Variants in FBXL7 observed in about 807,000 individuals in gnomAD.
The protein encoded by FBXL7 is F-box and leucine rich repeat protein 7.
A neutral mutation model predicts 38.3 loss-of-function variants in FBXL7; 12 were observed. The observed-to-expected ratio is 0.31, with a 90% CI of 0.20 to 0.51. FBXL7 has a LOEUF of 0.51. FBXL7 is among the 20% of genes least tolerant of loss of function. FBXL7 has a pLI of 0.98. For synonymous variants in FBXL7, 297 were observed against 300.9 expected (o/e 0.99, Z 0.13); for missense variants, 567 against 676.4 (o/e 0.84, Z 1.79).
intron 1 of FBXL7, among the ~76,000 whole-genome samples, chr5:15,534,126 C>G (rs1233161993): frequency 1.3e-5 from 2 of 152,182 alleles, no homozygotes; most frequent in African/African-American, 4.8e-5. Context: ...TTGACACCCC[C>G]CCACCAGAGT....
intron 2 of FBXL7, among the ~76,000 whole-genome samples, chr5:15,777,324 A>G (rs1406716800): frequency 1.3e-5 from 2 of 152,092 alleles, no homozygotes; most frequent in Non-Finnish European, 2.9e-5. Flanking sequence ...GCTTTATTAT[A>G]TCAAATAATG....
intron 2 of FBXL7, among the ~76,000 whole-genome samples, chr5:15,782,228 T>C (rs183503598): frequency 3.2e-4 from 48 of 152,330 alleles, no homozygotes; most frequent in African/African-American, 1.1e-3. Flanking sequence ...AAGTCTAACA[T>C]TGATAGGCAT....
chr5:15,663,640 G>A (rs571695907), intron 2 of FBXL7, among the ~76,000 whole-genome samples: 1 of 152,292 alleles, frequency 6.6e-6, no homozygotes. Flanking sequence ...GTTTGCATAT[G>A]TTGAACCAAC....
At chr5:15,608,502 G>A (rs1580402250) in intron 1 of FBXL7, among the ~76,000 whole-genome samples, 1 of 152,148 alleles carries the variant, frequency 6.6e-6, no homozygotes, top group African/African-American at 2.4e-5. Context: ...ACTTGGCCAG[G>A]CTATAGTACC....
chr5:15,900,886 T>G (rs981158741), intron 2 of FBXL7, among the ~76,000 whole-genome samples: 1 of 152,228 alleles, frequency 6.6e-6, no homozygotes, highest in African/African-American at 2.4e-5. Flanking sequence ...GAAGAAAAGC[T>G]AAACAGATAA....
At chr5:15,730,795 T>C (rs907523597) in intron 2 of FBXL7, among the ~76,000 whole-genome samples, 1 of 152,190 alleles carries the variant, frequency 6.6e-6, no homozygotes, top group African/African-American at 2.4e-5. Context: ...ATAACAAAAA[T>C]TAAAGGTGAA....
intron 2 of FBXL7, among the ~76,000 whole-genome samples, chr5:15,697,659 CTT>C (rs1743382388): frequency 6.6e-6 from 1 of 151,988 alleles, no homozygotes; most frequent in Non-Finnish European, 1.5e-5. Context: ...AGTTGACAGA[CTT>C]TCTGCACACA....
chr5:15,846,995 G>A (rs2126789455), intron 2 of FBXL7, among the ~76,000 whole-genome samples: 1 of 152,188 alleles, frequency 6.6e-6, no homozygotes, highest in East Asian at 1.9e-4. Context: ...GAATATTGAT[G>A]AGGTATGAGA....
intron 2 of FBXL7, among the ~76,000 whole-genome samples, chr5:15,652,944 G>A (rs970125870): frequency 3.0e-4 from 45 of 152,194 alleles, no homozygotes; most frequent in African/African-American, 1.1e-3. Flanking sequence ...ATCCTGATGT[G>A]ATTATTACAC....
intron 1 of FBXL7, among the ~76,000 whole-genome samples, chr5:15,526,305 T>G (rs747127583): frequency 1.3e-5 from 2 of 152,018 alleles, no homozygotes; most frequent in Non-Finnish European, 2.9e-5. Context: ...ATGGAGGATA[T>G]GAGAAGAGTC....
chr5:15,645,892 G>A (rs1358897336), intron 2 of FBXL7, among the ~76,000 whole-genome samples: 2 of 152,222 alleles, frequency 1.3e-5, no homozygotes, highest in African/African-American at 4.8e-5. Flanking sequence ...TCCTGTCGAA[G>A]ATTGAATTTT....
At chr5:15,537,416 G>A (rs1480336748) in intron 1 of FBXL7, among the ~76,000 whole-genome samples, 1 of 152,146 alleles carries the variant, frequency 6.6e-6, no homozygotes, top group Non-Finnish European at 1.5e-5. Flanking sequence ...AATTTGAAAA[G>A]CCAGTTTTAT....
At chr5:15,612,561 AAAT>A (rs1254771359) in intron 1 of FBXL7, among the ~76,000 whole-genome samples, 2 of 152,170 alleles carry the variant, frequency 1.3e-5, no homozygotes, top group African/African-American at 4.8e-5. Context: ...ATAATCTTAA[AAAT>A]AATGAATAAC....
chr5:15,681,512 C>G (rs2126610506), intron 2 of FBXL7, among the ~76,000 whole-genome samples: 1 of 152,214 alleles, frequency 6.6e-6, no homozygotes, highest in Middle Eastern at 3.4e-3. Flanking sequence ...TTCTCACATG[C>G]ATAGATTAGA....
intron 2 of FBXL7, among the ~76,000 whole-genome samples, chr5:15,626,963 T>C (rs754603185): frequency 3.9e-5 from 6 of 152,146 alleles, no homozygotes; most frequent in Non-Finnish European, 5.9e-5. Context: ...CAGTCAGGGG[T>C]CACCAACTGG....
At chr5:15,698,966 C>T (rs1743434724) in intron 2 of FBXL7, among the ~76,000 whole-genome samples, 1 of 152,200 alleles carries the variant, frequency 6.6e-6, no homozygotes, top group African/African-American at 2.4e-5. Context: ...ATAGATGGAA[C>T]TCAGGAACTT....
chr5:15,620,413 GTT>G (rs1222509010), intron 2 of FBXL7, among the ~76,000 whole-genome samples: 13 of 95,240 alleles, frequency 1.4e-4, no homozygotes, highest in Admixed American at 5.2e-4. Context: ...TTTGTTTTTT[GTT>G]TTTTTTTTTT....
intron 1 of FBXL7, among the ~76,000 whole-genome samples, chr5:15,598,695 T>A (rs901325317): frequency 2.6e-5 from 4 of 152,172 alleles, no homozygotes; most frequent in African/African-American, 7.2e-5. Context: ...TATGGTTATA[T>A]CCAGAGAGAG....
Position 15,620,389 on chromosome 5 carries a change from C to A in FBXL7, c.127+4317C>A, listed in dbSNP as rs540418062. ...CTGGGATTACAGACACATGCCACCA[C>A]GCCCAGCTAATTTTTTGTTTTTTGT... On this transcript the variant is annotated intron_variant, in intron 2 of 3. Coordinates refer to ENST00000504595, the MANE Select transcript of FBXL7 (RefSeq NM_012304.5). Among the ~76,000 whole-genome samples the A allele has an allele frequency of 6.8e-4, 101 of 149,444 alleles. 4 individuals are homozygous for A. The South Asian group carries it at 0.02, about 30-fold the overall frequency.
Sources: allele counts gnomAD v4.1 joint callset (sites outside exome capture counted in the v4.1 genomes callset), GRCh38; gene constraint gnomAD v4.1.1; transcripts MANE v1.5; gene names NCBI Gene and HGNC (gene_info 2026-07-23, HGNC 2026-07-21).